Variants in UMAD1 observed in about 807,000 individuals in gnomAD.
UMAD1 encodes the protein UBAP1-MVB12-associated (UMA) domain containing 1.
A neutral mutation model predicts 6.1 loss-of-function variants in UMAD1; 8 were observed. The observed-to-expected ratio is 1.30, with a 90% confidence interval of 0.76 to 2.35. UMAD1 has a LOEUF of 2.35. Among genes scored for constraint, UMAD1 ranks in the 30% most tolerant of loss-of-function variants. The pLI is 0.00. For synonymous variants in UMAD1, 56 were observed against 31.4 expected (o/e 1.78, Z -2.61); for missense variants, 130 against 78.4 (o/e 1.66, Z -2.49).
chr7:7,727,885 A>G (rs1211592241), intron 2 of UMAD1, among the ~76,000 whole-genome samples: 2 of 152,094 alleles, frequency 1.3e-5, no homozygotes, highest in African/African-American at 4.8e-5. Context: ...AACTCTCTTT[A>G]TATATGATTG....
At chr7:7,840,742 T>C (rs1336960345) in intron 3 of UMAD1, among the ~76,000 whole-genome samples, 1 of 152,190 alleles carries the variant, frequency 6.6e-6, no homozygotes, top group Non-Finnish European at 1.5e-5. Context: ...CTCCAGATGT[T>C]TTATCAAAGG....
intron 3 of UMAD1, among the ~76,000 whole-genome samples, chr7:7,806,151 C>T (rs774184917): frequency 1.3e-5 from 2 of 152,122 alleles, no homozygotes; most frequent in Non-Finnish European, 2.9e-5. Flanking sequence ...AATGTGGTTT[C>T]TCCTACACCA....
chr7:7,650,488 A>G (rs773855737), intron 1 of UMAD1, among the ~76,000 whole-genome samples: 2 of 152,194 alleles, frequency 1.3e-5, no homozygotes, highest in Non-Finnish European at 2.9e-5. Context: ...ATTTTGCTGT[A>G]GGCTTACATG....
At chr7:7,685,672 T>A (rs1780027590) in intron 2 of UMAD1, among the ~76,000 whole-genome samples, 1 of 152,220 alleles carries the variant, frequency 6.6e-6, no homozygotes, top group Non-Finnish European at 1.5e-5. Flanking sequence ...GTTTCTCAAG[T>A]TGCCTGCCTG....
At chr7:7,702,218 G>C (rs1007307648) in intron 2 of UMAD1, among the ~76,000 whole-genome samples, 29 of 152,082 alleles carry the variant, frequency 1.9e-4, no homozygotes, top group Admixed American at 9.2e-4. Flanking sequence ...ACAGTAAAAG[G>C]CTATTTCACA....
At chr7:7,800,068 A>G (rs551293835) in intron 2 of UMAD1, among the ~76,000 whole-genome samples, 1 of 152,296 alleles carries the variant, frequency 6.6e-6, no homozygotes, top group East Asian at 1.9e-4. Context: ...TTTTTAGTAG[A>G]GACGGAGTTT....
chr7:7,695,489 A>G (rs1364730406), intron 2 of UMAD1, among the ~76,000 whole-genome samples: 2 of 152,138 alleles, frequency 1.3e-5, no homozygotes, highest in African/African-American at 4.8e-5. Flanking sequence ...ATGTTTCTCA[A>G]CCATGGTCTT....
intron 3 of UMAD1, among the ~76,000 whole-genome samples, chr7:7,809,137 C>A (rs575536213): frequency 1.8e-3 from 266 of 151,958 alleles, no homozygotes; most frequent in African/African-American, 5.7e-3. Flanking sequence ...GTAGCAATAA[C>A]AATAAAAACT....
At chr7:7,680,356 T>G (rs10264890) in intron 2 of UMAD1, among the ~76,000 whole-genome samples, 79,957 of 151,884 alleles carry the variant, frequency 0.53, 22,123 homozygotes, top group East Asian at 0.8. Flanking sequence ...TGTAAATGTG[T>G]GAATTTATTC....
intron 2 of UMAD1, among the ~76,000 whole-genome samples, chr7:7,676,765 A>G (rs953759139): frequency 2.6e-5 from 4 of 152,176 alleles, no homozygotes; most frequent in Non-Finnish European, 4.4e-5. Context: ...GTTGGTATAT[A>G]TGGTTTAATT....
intron 1 of UMAD1, among the ~76,000 whole-genome samples, chr7:7,663,606 G>A (rs34547903): frequency 0.16 from 23,974 of 146,200 alleles, 2,235 homozygotes; most frequent in Middle Eastern, 0.23. Context: ...TCTCTACTAT[G>A]AATCTAAAAT....
rs114354927 is a variant in UMAD1 at position 7,714,228 on chromosome 7, T to C, written c.82+40775T>C. On this transcript the variant is annotated intron_variant, in intron 2 of 3. Coordinates refer to ENST00000682710, the MANE Select transcript of UMAD1 (RefSeq NM_001302348.2). ...ATCAGTCTTAACTGACCTCCACTTA[T>C]ATGACTTTGCATATTGACCAGCATT... is the stretch of plus-strand genomic sequence containing the variant. 1.9e-3 allele frequency among the ~76,000 whole-genome samples: 289 copies of C among 152,354 alleles called. 3 individuals are homozygous for C. The highest frequency in any genetic ancestry group is 6.8e-3 in the African/African-American group (282 of 41,578).
chr7:7,802,305 G>A (rs955013023), intron 3 of UMAD1, among the ~76,000 whole-genome samples: 8 of 152,244 alleles, frequency 5.3e-5, no homozygotes, highest in African/African-American at 1.9e-4. Flanking sequence ...TTGAACCCCG[G>A]AGGTGGAGGT....
chr7:7,838,968 C>T (rs6942637), intron 3 of UMAD1, among the ~76,000 whole-genome samples: 61,079 of 151,802 alleles, frequency 0.4, 12,691 homozygotes, highest in East Asian at 0.57. Flanking sequence ...CAAGAATAAA[C>T]GCAAAATTCA....
At chr7:7,747,394 G>T (rs1781592664) in intron 2 of UMAD1, among the ~76,000 whole-genome samples, 1 of 152,110 alleles carries the variant, frequency 6.6e-6, no homozygotes, top group African/African-American at 2.4e-5. Context: ...GAAATCCCTA[G>T]AACAAGGCAG....
intron 3 of UMAD1, among the ~76,000 whole-genome samples, chr7:7,848,008 G>A (rs571167892): frequency 6.6e-6 from 1 of 152,282 alleles, no homozygotes; most frequent in South Asian, 2.1e-4. Context: ...TTAAGCCAAT[G>A]AGGAATTTTT....
At chr7:7,664,165 G>A (rs1265068487) in intron 1 of UMAD1, among the ~76,000 whole-genome samples, 1 of 152,132 alleles carries the variant, frequency 6.6e-6, no homozygotes, top group African/African-American at 2.4e-5. Flanking sequence ...GATTGAAATG[G>A]AATTTACTAT....
intron 3 of UMAD1, among the ~76,000 whole-genome samples, chr7:7,833,406 A>C (rs777541757): frequency 2.2e-4 from 34 of 152,242 alleles, no homozygotes; most frequent in Non-Finnish European, 4.4e-4. Context: ...ACATGTGACC[A>C]CCGAGGGGGA....
chr7:7,734,307 C>G (rs536853539), intron 2 of UMAD1, among the ~76,000 whole-genome samples: 3 of 152,110 alleles, frequency 2.0e-5, no homozygotes, highest in Non-Finnish European at 4.4e-5. Flanking sequence ...TGAATCTTCT[C>G]TTAGTTCCCA....
Sources: gnomAD v4.1 joint callset for allele counts (sites outside exome capture counted in the v4.1 genomes callset) on GRCh38, gnomAD v4.1.1 for gene constraint, MANE v1.5 for transcripts, NCBI Gene and HGNC (gene_info 2026-07-23, HGNC 2026-07-21) for gene names.